The following GPM6A variants were observed in gnomAD, a reference collection of about 807,000 sequenced individuals.
GPM6A encodes glycoprotein M6A.
In GPM6A, 7 loss-of-function variants were observed where a neutral mutation model predicts 32.1. That is an observed-to-expected ratio of 0.22 (90% CI 0.12 to 0.41). GPM6A has a LOEUF of 0.41. Among genes scored for constraint, GPM6A ranks in the 10% least tolerant of loss-of-function variants. GPM6A has a pLI of 1.00. For missense variants in GPM6A, 235 were observed against 347.2 expected (o/e 0.68, Z 2.57); for synonymous variants, 130 against 123.4 (o/e 1.05, Z -0.35).
At chr4:175,856,489 CA>C (rs1300290838) in intron 1 of GPM6A, among the ~76,000 whole-genome samples, 1 of 152,186 alleles carries the variant, frequency 6.6e-6, no homozygotes, top group African/African-American at 2.4e-5. Flanking sequence ...CCCCAGAGGG[CA>C]TGTGTTACAA....
intron 2 of GPM6A, among the ~76,000 whole-genome samples, chr4:175,682,632 A>T (rs1198106084): frequency 6.6e-6 from 1 of 152,130 alleles, no homozygotes; most frequent in Non-Finnish European, 1.5e-5. Context: ...CAGCCTTGGG[A>T]CACTGTTCTT....
chr4:175,694,188 G>T (rs780994823), intron 2 of GPM6A, among the ~76,000 whole-genome samples: 7 of 152,154 alleles, frequency 4.6e-5, no homozygotes, highest in Non-Finnish European at 7.3e-5. Flanking sequence ...AGCAGTGTGA[G>T]AATGGACTAA....
chr4:175,848,817 A>AT (rs1736166460), intron 1 of GPM6A, among the ~76,000 whole-genome samples: 1 of 152,186 alleles, frequency 6.6e-6, no homozygotes, highest in Non-Finnish European at 1.5e-5. Context: ...AATAAATACT[A>AT]TTATTGATGC....
chr4:175,917,700 G>A (rs1738538113), intron 1 of GPM6A, among the ~76,000 whole-genome samples: 1 of 152,118 alleles, frequency 6.6e-6, no homozygotes, highest in African/African-American at 2.4e-5. Flanking sequence ...TAAAATGCGT[G>A]AGATCTGGTA....
At chr4:175,863,318 A>T (rs1736628899) in intron 1 of GPM6A, among the ~76,000 whole-genome samples, 1 of 152,134 alleles carries the variant, frequency 6.6e-6, no homozygotes, top group African/African-American at 2.4e-5. Context: ...AATTTTATAT[A>T]AATAAAATCC....
chr4:175,812,467 G>T, upstream of GPM6A: 1 of 1,241,586 alleles, frequency 8.1e-7, no homozygotes, highest in South Asian at 2.9e-5. Flanking sequence ...CTTCCGTGAA[G>T]ATTATCAATT....
chr4:175,826,685 C>T (rs921868285), intron 1 of GPM6A, among the ~76,000 whole-genome samples: 28 of 151,988 alleles, frequency 1.8e-4, no homozygotes, highest in African/African-American at 6.5e-4. Flanking sequence ...TTTTGTAAGT[C>T]AACAAAAACA....
At position 175,728,347 on chromosome 4, in the gene GPM6A, CAA is replaced by C. The variant is rs765524389; in HGVS notation, c.38-26582_38-26581del. Among the ~76,000 whole-genome samples, 147 of 152,140 alleles carry C rather than the reference CAA, an allele frequency of 9.7e-4. 1 individual carries two copies. The highest frequency in any genetic ancestry group is 7.1e-3 in the South Asian group (34 of 4,810). ...TAAAAAAACTAAATTCAAAACAAAACAAAAAGACTTCATCGAACATATCTTTG... is the reference window on the plus strand; with the variant it reads ...TAAAAAAACTAAATTCAAAACAAAACAAAGACTTCATCGAACATATCTTTG... On this transcript the variant is annotated intron_variant, in intron 1 of 6. Coordinates refer to ENST00000393658, the MANE Select transcript of GPM6A (RefSeq NM_201591.3).
intron 1 of GPM6A, among the ~76,000 whole-genome samples, chr4:175,850,444 T>C (rs1736217557): frequency 6.6e-6 from 1 of 152,030 alleles, no homozygotes; most frequent in African/African-American, 2.4e-5. Flanking sequence ...GATTAAAGGA[T>C]GACGTCAGGA....
Position 175,638,867 on chromosome 4 carries a change from T to C in GPM6A, c.684+1262A>G, listed in dbSNP as rs578169361. On this transcript the variant is annotated intron_variant, in intron 6 of 6. Transcript: ENST00000393658. ...CCAGCATGTTTTCTCCTAAGGACAA[T>C]AATGTTTGGTATATCATTGGCCAGA... Among the ~76,000 whole-genome samples, 10 of 152,280 alleles carry C rather than the reference T, an allele frequency of 6.6e-5. No individual in the cohort carries two copies. In the South Asian group the frequency reaches 2.1e-3, roughly 32 times the overall value.
At position 175,648,119 on chromosome 4, in the gene GPM6A, T is replaced by A. The variant is rs192385957; in HGVS notation, c.541+3715A>T. ...TAATATAGCACATTCTTTTCTTTTT[T>A]TAAAAAAAAAAGACAATCAGAGGTA... On this transcript the variant is annotated intron_variant, in intron 4 of 6. Transcript: ENST00000393658. Among the ~76,000 whole-genome samples, 102 of 151,974 alleles carry A rather than the reference T, an allele frequency of 6.7e-4. No individual in the cohort carries two copies. The East Asian group carries it at 0.017, about 25-fold the overall frequency.
intron 1 of GPM6A, among the ~76,000 whole-genome samples, chr4:175,880,403 G>T (rs1737232593): frequency 6.6e-6 from 1 of 152,172 alleles, no homozygotes; most frequent in Non-Finnish European, 1.5e-5. Flanking sequence ...CTTTAAAGTA[G>T]TTTTTTCCAA....
At chr4:175,769,078 G>A (rs1733088647) in intron 1 of GPM6A, among the ~76,000 whole-genome samples, 1 of 152,074 alleles carries the variant, frequency 6.6e-6, no homozygotes, top group East Asian at 1.9e-4. Flanking sequence ...CTGGGCAGCA[G>A]AGTGAGACTC....
chr4:175,978,549 T>A (rs929165627), intron 1 of GPM6A, among the ~76,000 whole-genome samples: 3 of 152,166 alleles, frequency 2.0e-5, no homozygotes, highest in Admixed American at 1.3e-4. Flanking sequence ...GACTGTGACT[T>A]AAGAGAGAAA....
chr4:175,787,620 T>C, intron 1 of GPM6A: 1 of 1,314,212 alleles, frequency 7.6e-7, no homozygotes, highest in Non-Finnish European at 9.7e-7. Flanking sequence ...TCACAACCCA[T>C]GTATCTAATT....
At chr4:175,893,315 G>A (rs1737702295) in intron 1 of GPM6A, among the ~76,000 whole-genome samples, 1 of 152,192 alleles carries the variant, frequency 6.6e-6, no homozygotes, top group Non-Finnish European at 1.5e-5. Context: ...TATGCCGTAG[G>A]AAAGGAGAAG....
intron 1 of GPM6A, among the ~76,000 whole-genome samples, chr4:175,867,255 A>G (rs1165022200): frequency 6.6e-6 from 1 of 152,146 alleles, no homozygotes; most frequent in Non-Finnish European, 1.5e-5. Flanking sequence ...TTTTAATTTT[A>G]ATAAACCCCA....
intron 1 of GPM6A, among the ~76,000 whole-genome samples, chr4:175,901,809 G>A (rs1335616940): frequency 6.6e-6 from 1 of 151,530 alleles, no homozygotes; most frequent in East Asian, 1.9e-4. Context: ...GTATTTTTTA[G>A]TAGAGATGAG....
chr4:175,645,022 C>G (rs189365492), intron 4 of GPM6A, among the ~76,000 whole-genome samples: 1 of 152,078 alleles, frequency 6.6e-6, no homozygotes, highest in Non-Finnish European at 1.5e-5. Flanking sequence ...ATCGCTTGAA[C>G]CCGGGAGGTG....
Sources: gnomAD v4.1 joint callset for allele counts (sites outside exome capture counted in the v4.1 genomes callset) on GRCh38, gnomAD v4.1.1 for gene constraint, MANE v1.5 for transcripts, NCBI Gene and HGNC (gene_info 2026-07-23, HGNC 2026-07-21) for gene names.